SSBP2: variants seen among roughly 807,000 people sequenced by gnomAD.
SSBP2 encodes the protein single stranded DNA binding protein 2.
SSBP2 carries 17 observed loss-of-function variants against 61.8 expected under a neutral mutation model. The ratio of observed to expected loss-of-function variants is 0.28; its 90% CI spans 0.19 to 0.41. SSBP2 has a LOEUF of 0.41. Among genes scored for constraint, SSBP2 ranks in the 10% least tolerant of loss-of-function variants. The pLI, the probability that SSBP2 is intolerant of heterozygous loss-of-function variation, is 1.00. For missense variants in SSBP2, 310 were observed against 458.7 expected (o/e 0.68, Z 2.96); for synonymous variants, 139 against 141.3 (o/e 0.98, Z 0.12).
chr5:81,440,490 A>G (rs750613037), intron 14 of SSBP2, 68 bp downstream of exon 14: 3 of 1,361,312 alleles, frequency 2.2e-6, no homozygotes, highest in South Asian at 2.5e-5. Flanking sequence ...TGGAAACTGT[A>G]ATATGCACTA....
intron 1 of SSBP2, among the ~76,000 whole-genome samples, chr5:81,699,266 AG>A (rs1339916536): frequency 2.0e-5 from 3 of 152,232 alleles, no homozygotes; most frequent in Non-Finnish European, 4.4e-5. Flanking sequence ...GTGGCAAATA[AG>A]ACAATGAAGT....
chr5:81,626,789 A>G (rs1452475894), intron 3 of SSBP2, among the ~76,000 whole-genome samples: 2 of 152,214 alleles, frequency 1.3e-5, no homozygotes, highest in Non-Finnish European at 2.9e-5. Context: ...ACTGCCTGGA[A>G]TTAGCCACTC....
At chr5:81,457,660 A>C (rs1056073142) in intron 10 of SSBP2, among the ~76,000 whole-genome samples, 3 of 151,968 alleles carry the variant, frequency 2.0e-5, no homozygotes, top group African/African-American at 7.3e-5. Flanking sequence ...TGAGAAAAAC[A>C]CAAAATTTTT....
chr5:81,492,668 C>A (rs1766949202), intron 5 of SSBP2, among the ~76,000 whole-genome samples: 1 of 151,716 alleles, frequency 6.6e-6, no homozygotes, highest in Admixed American at 6.6e-5. Flanking sequence ...TGGAAAAAAG[C>A]CTTCCCCAGA....
rs567646933 is a variant in SSBP2, at chr5:81,498,235, GC to G, written c.373-8927del. 7.1e-3 allele frequency among the ~76,000 whole-genome samples: 1,082 copies of G among 152,010 alleles called. 4 individuals carry two copies. Among genetic ancestry groups the G allele is most frequent in the Non-Finnish European group, 0.011 (718 of 67,882 alleles). ...AAAACCTGTAAGAAAATGGTTATTT[GC>G]CAAAAAGTAATTTTCTTTACTCAAC... On this transcript the variant is annotated intron_variant, in intron 5 of 16. Transcript: ENST00000320672.
chr5:81,690,668 G>A (rs540878569), intron 1 of SSBP2, among the ~76,000 whole-genome samples: 4 of 152,100 alleles, frequency 2.6e-5, no homozygotes, highest in Admixed American at 1.3e-4. Flanking sequence ...TTGACAGATC[G>A]TTCAGACAAA....
At chr5:81,574,505 TATA>T (rs1012767565) in intron 4 of SSBP2, among the ~76,000 whole-genome samples, 2 of 151,574 alleles carry the variant, frequency 1.3e-5, no homozygotes, top group African/African-American at 4.9e-5. Context: ...GAGGCAGAAG[TATA>T]ATATTTGAAG....
At chr5:81,447,081 A>G (rs1763452012) in intron 11 of SSBP2, among the ~76,000 whole-genome samples, 159 bp from the exon 12 acceptor site, 1 of 152,192 alleles carries the variant, frequency 6.6e-6, no homozygotes, top group African/African-American at 2.4e-5. Flanking sequence ...ATATTCTACA[A>G]AACATAATTT....
In SSBP2 at chr5:81,461,090, C is replaced by T. The variant is rs781509301; in HGVS notation, c.652G>A (p.Gly218Ser). Residue 218 changes from glycine (G) to serine (S), a missense_variant, in exon 10 of 17, where the codon GGT (glycine) becomes AGT (serine). Gly to Ser is a moderately conservative substitution (Grantham distance 56). Coordinates refer to ENST00000320672, the MANE Select transcript of SSBP2 (RefSeq NM_012446.5). ...TTTGTTGGGTTTGGCCAAGGTCTAC[C>T]ACCACCTGGACCCCTACAAAACAAT... 5 of 1,587,402 alleles carry T rather than the reference C, an allele frequency of 3.1e-6. No individual in the cohort carries two copies. Among genetic ancestry groups the T allele is most frequent in the Admixed American group, 1.7e-5 (1 of 58,132 alleles).
In SSBP2 at chr5:81,420,357, A is replaced by C; in HGVS notation, c.*147T>G. ...TTTGGACCCGCTTTCTTCACAAAAG[A>C]GGGGAGAGAGCAGGAAATAAAAAGG... On this transcript the variant is annotated 3_prime_UTR_variant, in exon 17 of 17. Transcript: ENST00000320672. The C allele has an allele frequency of 1.4e-6, 1 of 717,084 alleles. No homozygotes were observed. Among genetic ancestry groups the C allele is most frequent in the Non-Finnish European group, 2.4e-6 (1 of 415,202 alleles). The allele number at this position is 717,084 out of a possible 1,614,324, so 44.4% of individuals were successfully genotyped here.
upstream of SSBP2, chr5:81,751,367 G>C: frequency 2.1e-6 from 1 of 481,354 alleles, no homozygotes; most frequent in East Asian, 3.7e-5. Flanking sequence ...TCCGAACCCG[G>C]GCGCAAGGGG....
intron 4 of SSBP2, among the ~76,000 whole-genome samples, chr5:81,597,313 C>T (rs1009435526): frequency 3.3e-5 from 5 of 152,130 alleles, no homozygotes; most frequent in Admixed American, 6.5e-5. Flanking sequence ...CAATGAGATA[C>T]CATCTCACAC....
chr5:81,509,039 C>A (rs1768392528), intron 5 of SSBP2, among the ~76,000 whole-genome samples: 1 of 152,064 alleles, frequency 6.6e-6, no homozygotes, highest in Non-Finnish European at 1.5e-5. Context: ...AGGAGGTAAC[C>A]ACCCTTCAGA....
At chr5:81,501,200 G>A (rs1196068279) in intron 5 of SSBP2, among the ~76,000 whole-genome samples, 1 of 116,160 alleles carries the variant, frequency 8.6e-6, no homozygotes, top group Non-Finnish European at 1.8e-5. Context: ...GACAGAGGGA[G>A]ACTCCATCTC....
At chr5:81,631,549 G>A (rs1028432339) in intron 3 of SSBP2, among the ~76,000 whole-genome samples, 1 of 151,116 alleles carries the variant, frequency 6.6e-6, no homozygotes, top group African/African-American at 2.4e-5. Context: ...CTGCAGAAAA[G>A]TCACATTCCT....
intron 1 of SSBP2, among the ~76,000 whole-genome samples, chr5:81,672,420 G>C (rs1415412768): frequency 6.6e-6 from 1 of 151,970 alleles, no homozygotes; most frequent in Non-Finnish European, 1.5e-5. Flanking sequence ...AAATTATTCT[G>C]ATTCTTCCAT....
At chr5:81,636,067 A>ATGAAAG (rs1222823485) in intron 3 of SSBP2, among the ~76,000 whole-genome samples, 3 of 152,182 alleles carry the variant, frequency 2.0e-5, no homozygotes. Flanking sequence ...AGATGAGATC[A>ATGAAAG]TGAAAGTGGG....
intron 1 of SSBP2, among the ~76,000 whole-genome samples, chr5:81,737,562 C>G (rs1040432158): frequency 6.6e-6 from 1 of 151,906 alleles, no homozygotes; most frequent in Non-Finnish European, 1.5e-5. Context: ...GCAGGCGGAT[C>G]ACGAGGTCAG....
intron 4 of SSBP2, among the ~76,000 whole-genome samples, chr5:81,521,559 C>G (rs982104894): frequency 2.6e-5 from 4 of 152,028 alleles, no homozygotes; most frequent in Middle Eastern, 3.4e-3. Context: ...TTTAGTGGTA[C>G]AGAGAAGTCT....
Sources: gnomAD v4.1 joint callset for allele counts (sites outside exome capture counted in the v4.1 genomes callset) on GRCh38, gnomAD v4.1.1 for gene constraint, MANE v1.5 for transcripts, NCBI Gene and HGNC (gene_info 2026-07-23, HGNC 2026-07-21) for gene names.